Variants in C11orf98 observed in about 807,000 individuals in gnomAD.
C11orf98 encodes 28S rRNA/ribosome and sororin micro-cofactor.
In C11orf98, 7 loss-of-function variants were observed where a neutral mutation model predicts 10.9. The ratio of observed to expected loss-of-function variants is 0.64; its 90% CI spans 0.37 to 1.21. The LOEUF is 1.21. Among genes scored for constraint, C11orf98 ranks in the 50% most tolerant of loss-of-function variants. The pLI is 0.02. For missense variants in C11orf98, 181 were observed against 153.7 expected (o/e 1.18, Z -0.94); for synonymous variants, 70 against 57.2 (o/e 1.22, Z -1.01).
At position 62,662,952 on chromosome 11, in the gene C11orf98, T is replaced by C. The variant is rs2134593770; in HGVS notation, c.*98A>G. On this transcript the variant is annotated 3_prime_UTR_variant, in exon 4 of 4. Transcript: ENST00000524958. ...GTAGGCCATTAGGTAGGAGGAAATCTGGAGAGTGAAAAGGGGCCTTGCTTT... is the reference window on the plus strand; with the variant it reads ...GTAGGCCATTAGGTAGGAGGAAATCCGGAGAGTGAAAAGGGGCCTTGCTTT... 4.4e-6 allele frequency: 4 copies of C among 916,932 alleles called. No homozygotes were observed. The highest frequency in any genetic ancestry group is 6.6e-6 in the Non-Finnish European group (4 of 607,624). 56.8% of individuals were successfully genotyped at this position (916,932 alleles called of 1,614,324 possible). A position where few individuals can be genotyped will look rare whatever the true frequency, so the allele number is the denominator to read the frequency against.
At position 62,663,413 on chromosome 11, in the gene C11orf98, A is replaced by G. The variant is rs1390811543; in HGVS notation, c.165-80T>C. On this transcript the variant is annotated intron_variant, in intron 2 of 3. Coordinates refer to ENST00000524958, the MANE Select transcript of C11orf98 (RefSeq NM_001286086.2). ...ACACAAATAGTTCTGGCTATAGAAA[A>G]AGTATTAAATAGGCTGGGCGCAGTG... The G allele has an allele frequency of 2.7e-6, 4 of 1,458,704 alleles. No homozygotes were observed. The East Asian group carries it at 9.1e-5, about 33-fold the overall frequency. 90.4% of individuals were successfully genotyped at this position (1,458,704 alleles called of 1,614,324 possible).
At position 62,664,886 on chromosome 11, in the gene C11orf98, G is replaced by A. The variant is rs879188188; in HGVS notation, c.127C>T (p.Gln43Ter). The A allele has an allele frequency of 6.3e-7, 1 of 1,587,782 alleles. No homozygotes were observed. The highest frequency in any genetic ancestry group is 1.1e-5 in the South Asian group (1 of 87,730). ...AGGTGGTGCCGCGTGATCAGCCCTTGGTCTATCACAGCCCCGACCACCCGG... is the reference window on the plus strand; with the variant it reads ...AGGTGGTGCCGCGTGATCAGCCCTTAGTCTATCACAGCCCCGACCACCCGG... ...RHRVVGAVIDQGLITRHHLKK... is the reference protein window; with the variant it reads ...RHRVVGAVID Residue 43 changes from glutamine (Q) to a stop codon, truncating the protein, a stop_gained, in exon 2 of 4, where the codon CAA (glutamine) becomes TAA (stop). Transcript: ENST00000524958. LOFTEE classifies it high-confidence loss of function.
At position 62,664,881 on chromosome 11, in the gene C11orf98, C is replaced by T. The variant is rs570159130; in HGVS notation, c.132G>A (p.Gly44=). ...HRVVGAVIDQ[G]LITRHHLKKR... ...TCTTGAGGTGGTGCCGCGTGATCAG[C>T]CCTTGGTCTATCACAGCCCCGACCA... The change falls in exon 2 of 4, where the codon GGG becomes GGA. Residue 44 remains glycine, a synonymous_variant. Transcript: ENST00000524958. The T allele has an allele frequency of 6.3e-7, 1 of 1,584,966 alleles. No individual in the cohort carries two copies. Among genetic ancestry groups the T allele is most frequent in the African/African-American group, 1.3e-5 (1 of 74,434 alleles).
intron 3 of C11orf98, 30 bp downstream of exon 3, chr11:62,663,206 T>C (rs768140456): frequency 1.2e-5 from 19 of 1,613,682 alleles, no homozygotes; most frequent in Non-Finnish European, 1.3e-5. Context: ...AATCCAGGAT[T>C]CCCCTCACCC....
At chr11:62,664,706 C>CT in intron 2 of C11orf98, 143 bp downstream of exon 2, 1 of 1,117,218 alleles carries the variant, frequency 9.0e-7, no homozygotes, top group Non-Finnish European at 1.3e-6. Context: ...GCTATCAGAG[C>CT]TTAGGAACTA....
Position 62,663,290 on chromosome 11 carries a change from T to G in C11orf98, c.208A>C (p.Arg70=), listed in dbSNP as rs752911328. 6.8e-6 allele frequency: 11 copies of G among 1,614,224 alleles called. No individual in the cohort carries two copies. The highest frequency in any genetic ancestry group is 8.5e-6 in the Non-Finnish European group (10 of 1,180,040). ...AGCCGGATCTGCTGGAGGAGTTTTC[T>G]GCGCTTCTTCCCTGACAGTGTAATG... ...ANITLSGKKR[R]KLLQQIRLAQ... Residue 70 remains arginine (R), a synonymous_variant, in exon 3 of 4, where the codon AGA becomes CGA. Coordinates refer to ENST00000524958, the MANE Select transcript of C11orf98 (RefSeq NM_001286086.2).
In C11orf98 at chr11:62,663,092, G is replaced by T; in HGVS notation, c.330C>A (p.Ala110=). The change falls in exon 4 of 4, where the codon GCC becomes GCA. Residue 110 remains alanine, a synonymous_variant. Transcript: ENST00000524958. ...PQLKRQKKTK[A]PQDVEMKDLE... Reference sequence around the variant, plus strand: ...GGTCCTTCATTTCTACATCCTGGGGGGCTTTTGTCTTCTTTTGCCTTTTGA... The same window carrying T: ...GGTCCTTCATTTCTACATCCTGGGGTGCTTTTGTCTTCTTTTGCCTTTTGA... 6.2e-7 allele frequency: 1 copy of T among 1,612,880 alleles called. No individual in the cohort carries two copies. The highest frequency in any genetic ancestry group is 8.5e-7 in the Non-Finnish European group (1 of 1,179,286).
intron 2 of C11orf98, among the ~76,000 whole-genome samples, chr11:62,664,054 C>T (rs1487760565): frequency 2.6e-5 from 3 of 116,812 alleles, no homozygotes; most frequent in Non-Finnish European, 4.9e-5. Flanking sequence ...GCCTGGGCAA[C>T]AGAGGGAGAC....
At position 62,663,088 on chromosome 11, in the gene C11orf98, G is replaced by A; in HGVS notation, c.334C>T (p.Gln112Ter). Residue 112 changes from glutamine (Q) to a stop codon, truncating the protein, a stop_gained, in exon 4 of 4, where the codon CAG becomes TAG. Transcript: ENST00000524958. LOFTEE classifies it high-confidence loss of function. ...LKRQKKTKAP[Q>*]DVEMKDLEDE... ...TCAAGGTCCTTCATTTCTACATCCT[G>A]GGGGGCTTTTGTCTTCTTTTGCCTT... 1 of 1,612,116 alleles carries A rather than the reference G, an allele frequency of 6.2e-7. No individual in the cohort carries two copies. Among genetic ancestry groups the A allele is most frequent in the Non-Finnish European group, 8.5e-7 (1 of 1,178,712 alleles).
rs775826085 is a variant in C11orf98 at position 62,665,177 on chromosome 11, A to G, written c.-8T>C. 8.2e-6 allele frequency: 7 copies of G among 851,264 alleles called. No individual in the cohort carries two copies. Among genetic ancestry groups the G allele is most frequent in the Non-Finnish European group, 1.2e-5 (6 of 520,996 alleles). 52.7% of individuals were successfully genotyped at this position (851,264 alleles called of 1,614,324 possible). A position where few individuals can be genotyped will look rare whatever the true frequency, so the allele number is the denominator to read the frequency against. On this transcript the variant is annotated 5_prime_UTR_variant, in exon 1 of 4. Coordinates refer to ENST00000524958, the MANE Select transcript of C11orf98 (RefSeq NM_001286086.2). ...TCCCCCCGGAGCTCCCATAGTCGCG[A>G]TTCCACTCCAGTTCACGGTCCGTAC...
rs1353452240 is a variant in C11orf98 at position 62,665,136 on chromosome 11, G to C, written c.34C>G (p.Arg12Gly). 9.4e-7 allele frequency: 1 copy of C among 1,063,186 alleles called. No homozygotes were observed. The highest frequency in any genetic ancestry group is 2.6e-5 in the East Asian group (1 of 38,718). 65.9% of individuals were successfully genotyped at this position (1,063,186 alleles called of 1,614,324 possible). ...CGCGGCCCCCACACAGTCACCGTTC[G>C]GGGCCGGTTGATCTTTCCCCCCGGA... ...GAPGGKINRP[R>G]TELKKKLFKR... The change falls in exon 1 of 4, where the codon CGA becomes GGA. Residue 12 changes from arginine (R) to glycine (G), a missense_variant. Arg to Gly is a moderately radical substitution (Grantham distance 125). Coordinates refer to ENST00000524958, the MANE Select transcript of C11orf98 (RefSeq NM_001286086.2).
At chr11:62,663,529 C>T (rs1944709745) in intron 2 of C11orf98, among the ~76,000 whole-genome samples, 196 bp from the exon 3 acceptor site, 1 of 151,544 alleles carries the variant, frequency 6.6e-6, no homozygotes, top group South Asian at 2.1e-4. Context: ...CCTGTCTCTA[C>T]TAAAAATACA....
Position 62,663,626 on chromosome 11 carries a change from G to A in C11orf98, c.165-293C>T, listed in dbSNP as rs140529623. On this transcript the variant is annotated intron_variant, in intron 2 of 3. Transcript: ENST00000524958. ...GGAGAATGGCGTGAACCCAGAAGGC[G>A]GAGCTTGCAGTGAGCCGAGATCGCG... Among the ~76,000 whole-genome samples the A allele has an allele frequency of 8.2e-3, 1,238 of 150,556 alleles. 12 individuals carry two copies. The highest frequency in any genetic ancestry group is 0.029 in the African/African-American group (1,173 of 40,962).
intron 2 of C11orf98, 94 bp downstream of exon 2, chr11:62,664,755 A>G: frequency 4.8e-6 from 7 of 1,460,620 alleles, no homozygotes; most frequent in Non-Finnish European, 6.5e-6. Flanking sequence ...GTCAGTGCAC[A>G]AGGTGAGCTG....
intron 2 of C11orf98, among the ~76,000 whole-genome samples, chr11:62,664,082 G>GAAA (rs71056540): frequency 1.2e-4 from 8 of 65,938 alleles, no homozygotes; most frequent in Non-Finnish European, 1.7e-4. Flanking sequence ...CAAAAAAGAG[G>GAAA]AAAAAAAAAA....
intron 1 of C11orf98, 33 bp from the exon 2 acceptor site, chr11:62,665,006 T>C: frequency 6.2e-7 from 1 of 1,604,430 alleles, no homozygotes; most frequent in South Asian, 1.1e-5. Flanking sequence ...TCAGATGGAG[T>C]GGGCTCGCCG....
At chr11:62,663,444 C>A in intron 2 of C11orf98, 111 bp from the exon 3 acceptor site, 1 of 1,114,508 alleles carries the variant, frequency 9.0e-7, no homozygotes, top group Non-Finnish European at 1.3e-6. Context: ...CAGTGGCTCA[C>A]GCCTGTAATC....
At position 62,663,445 on chromosome 11, in the gene C11orf98, GCCT is replaced by G. The variant is rs1208126294; in HGVS notation, c.165-115_165-113del. On this transcript the variant is annotated intron_variant, in intron 2 of 3. Transcript: ENST00000524958. ...AAATAGGCTGGGCGCAGTGGCTCAC[GCCT>G]GTAATCCCAGCACTTTGGGAGGCCG... 8 of 1,115,668 alleles carry G rather than the reference GCCT, an allele frequency of 7.2e-6. No homozygotes were observed. In the Admixed American group the frequency reaches 1.3e-4, roughly 19 times the overall value. The allele number at this position is 1,115,668 out of a possible 1,614,324, so 69.1% of individuals were successfully genotyped here.
rs1434938550 is a variant in C11orf98, at chr11:62,663,236, C to T, written c.262G>A (p.Val88Met). The T allele has an allele frequency of 1.2e-6, 2 of 1,614,042 alleles. No individual in the cohort carries two copies. Among genetic ancestry groups the T allele is most frequent in the South Asian group, 1.1e-5 (1 of 91,092 alleles). ...LAQKEKTAME[V>M]EAPSKPARTS... ...TCACCCACCTCTGTCCCAGCCTCAC[C>T]TTCCATGGCTGTCTTCTCTTTCTGG... Residue 88 changes from valine to methionine, a missense_variant and splice_region_variant, in exon 3 of 4, where the codon GTG (valine) becomes ATG (methionine). Transcript: ENST00000524958.
Sources: allele counts gnomAD v4.1 joint callset (sites outside exome capture counted in the v4.1 genomes callset), GRCh38; gene constraint gnomAD v4.1.1; transcripts MANE v1.5; gene names NCBI Gene and HGNC (gene_info 2026-07-23, HGNC 2026-07-21).